Variants in RBFOX1 observed in about 807,000 individuals in gnomAD.
RBFOX1 encodes RNA binding fox-1 homolog 1, also known as RNA binding protein fox-1 homolog 1.
A neutral mutation model predicts 57.7 loss-of-function variants in RBFOX1; 8 were observed. That is an observed-to-expected ratio of 0.14 (90% CI 0.08 to 0.25). RBFOX1 has a LOEUF of 0.25. Among genes scored for constraint, RBFOX1 ranks in the 10% least tolerant of loss-of-function variants. The probability of loss-of-function intolerance (pLI) is 1.00; values close to 1 mark genes in which losing one functional copy is unlikely to be tolerated. For synonymous variants in RBFOX1, 326 were observed against 222.4 expected, an observed-to-expected ratio of 1.47 and a Z score of -4.15; for missense variants, 611 against 548.5, an observed-to-expected ratio of 1.11 and a Z score of -1.14.
chr16:6,851,911 A>G (rs1052002862), intron 3 of RBFOX1, among the ~76,000 whole-genome samples: 1 of 144,922 alleles, frequency 6.9e-6, no homozygotes, highest in African/African-American at 2.5e-5. Context: ...AGTACGGTGT[A>G]TTAGTTTCCA....
intron 1 of RBFOX1, among the ~76,000 whole-genome samples, chr16:5,259,403 G>A (rs1351812505): frequency 2.0e-5 from 3 of 152,208 alleles, no homozygotes; most frequent in East Asian, 3.9e-4. Context: ...CTGGGAGCTG[G>A]GTTGGGAACT....
At chr16:7,189,320 G>C (rs533923983) in intron 4 of RBFOX1, among the ~76,000 whole-genome samples, 1 of 151,382 alleles carries the variant, frequency 6.6e-6, no homozygotes, top group African/African-American at 2.4e-5. Flanking sequence ...CAGCTACTCA[G>C]GAGGCTGAGG....
intron 4 of RBFOX1, among the ~76,000 whole-genome samples, chr16:7,377,214 G>C (rs1340777325): frequency 6.6e-6 from 1 of 152,086 alleles, no homozygotes; most frequent in Non-Finnish European, 1.5e-5. Flanking sequence ...TCCATTCATG[G>C]AGATTTGCTT....
chr16:6,515,224 T>G (rs2096351020), intron 2 of RBFOX1, among the ~76,000 whole-genome samples: 1 of 152,228 alleles, frequency 6.6e-6, no homozygotes, highest in South Asian at 2.1e-4. Flanking sequence ...TATTTGCACT[T>G]TCTAGATAAG....
At position 7,054,545 on chromosome 16, in the gene RBFOX1, T is replaced by TGGCGGGG. The variant is rs1555823213; in HGVS notation, c.27+2449_27+2450insCGGGGGG. On this transcript the variant is annotated intron_variant, in intron 4 of 15. Coordinates refer to ENST00000550418, the MANE Select transcript of RBFOX1 (RefSeq NM_018723.4). Reference sequence around the variant, plus strand: ...TGTGAGCCACTGCGCCAAACCTGGGTGGGGGGGCATTTTTTAAGGGTTTCT... The same window carrying TGGCGGGG: ...TGTGAGCCACTGCGCCAAACCTGGGTGGCGGGGGGGGGGGCATTTTTTAAGGGTTTCT... Among the ~76,000 whole-genome samples, 7 of 108,470 alleles carry TGGCGGGG rather than the reference T, an allele frequency of 6.5e-5. 1 individual carries two copies. In the South Asian group the frequency reaches 2.2e-3, roughly 34 times the overall value. The allele number at this position is 108,470 out of a possible 152,430, so 71.2% of individuals were successfully genotyped here. A position where few individuals can be genotyped will look rare whatever the true frequency, so the allele number is the denominator to read the frequency against.
intron 3 of RBFOX1, among the ~76,000 whole-genome samples, chr16:6,697,786 C>G (rs142156504): frequency 1.9e-3 from 288 of 152,246 alleles, no homozygotes; most frequent in African/African-American, 6.6e-3. Flanking sequence ...AACAGAAGAC[C>G]CAACCTTGGT....
chr16:6,739,248 AAAG>A (rs1238730575), intron 3 of RBFOX1, among the ~76,000 whole-genome samples: 24 of 152,130 alleles, frequency 1.6e-4, no homozygotes, highest in Non-Finnish European at 3.2e-4. Context: ...AGAAAAAAAA[AAAG>A]AAGGGAATAA....
At position 7,219,801 on chromosome 16, in the gene RBFOX1, G is replaced by A. The variant is rs79884524; in HGVS notation, c.27+167703G>A. 3.1e-4 allele frequency among the ~76,000 whole-genome samples: 47 copies of A among 152,288 alleles called. No homozygotes were observed. The East Asian group carries it at 8.1e-3, about 26-fold the overall frequency. On this transcript the variant is annotated intron_variant, in intron 4 of 15. Coordinates refer to ENST00000550418, the MANE Select transcript of RBFOX1 (RefSeq NM_018723.4). ...AATTTAATTTTTGTTCTCTATGTTT[G>A]TGATATGAAAGCATGACCTTCCACC...
intron 1 of RBFOX1, among the ~76,000 whole-genome samples, chr16:5,310,232 T>C (rs1184694812): frequency 6.6e-6 from 1 of 152,052 alleles, no homozygotes; most frequent in Non-Finnish European, 1.5e-5. Flanking sequence ...GGAAACCCTG[T>C]CTCTACAAAA....
At chr16:5,279,079 G>A (rs189412332) in intron 1 of RBFOX1, among the ~76,000 whole-genome samples, 131 of 152,142 alleles carry the variant, frequency 8.6e-4, no homozygotes, top group African/African-American at 2.6e-3. Flanking sequence ...GGGGTGTTCT[G>A]TGGTTCCATG....
chr16:6,314,993 A>G (rs567906415), intron 1 of RBFOX1, among the ~76,000 whole-genome samples: 5 of 152,312 alleles, frequency 3.3e-5, no homozygotes, highest in Admixed American at 2.0e-4. Flanking sequence ...AGATCTGTCT[A>G]TCTTCCCCAC....
intron 2 of RBFOX1, among the ~76,000 whole-genome samples, chr16:6,633,126 A>G (rs1253243139): frequency 6.6e-6 from 1 of 152,228 alleles, no homozygotes; most frequent in East Asian, 1.9e-4. Flanking sequence ...CCCACTTCAC[A>G]GATGCAGCTG....
intron 4 of RBFOX1, among the ~76,000 whole-genome samples, chr16:7,336,490 A>G (rs1232048096): frequency 6.6e-6 from 1 of 152,244 alleles, no homozygotes; most frequent in Non-Finnish European, 1.5e-5. Context: ...TCACCTCATC[A>G]TGCATTTGTT....
At chr16:6,087,030 T>C (rs1381733076) in intron 1 of RBFOX1, among the ~76,000 whole-genome samples, 3 of 151,934 alleles carry the variant, frequency 2.0e-5, no homozygotes, top group Admixed American at 2.0e-4. Flanking sequence ...ATACATTGAG[T>C]GGTGATGTGG....
At chr16:5,383,292 G>A (rs951506435) in intron 1 of RBFOX1, among the ~76,000 whole-genome samples, 3 of 152,156 alleles carry the variant, frequency 2.0e-5, no homozygotes, top group African/African-American at 4.8e-5. Context: ...GGGAAAAGGT[G>A]GGCTGTGGGT....
chr16:7,561,977 G>T (rs780482507), intron 5 of RBFOX1, among the ~76,000 whole-genome samples: 1 of 151,994 alleles, frequency 6.6e-6, no homozygotes, highest in Non-Finnish European at 1.5e-5. Context: ...TTCTGAGTGG[G>T]ACAGGTAATT....
At chr16:5,439,421 A>G (rs574080398) in intron 1 of RBFOX1, among the ~76,000 whole-genome samples, 11 of 152,044 alleles carry the variant, frequency 7.2e-5, no homozygotes, top group Non-Finnish European at 1.2e-4. Flanking sequence ...CATCATGGGG[A>G]ATGAAAAGTA....
chr16:6,965,755 C>G (rs545722635), intron 3 of RBFOX1, among the ~76,000 whole-genome samples: 2 of 152,232 alleles, frequency 1.3e-5, no homozygotes, highest in East Asian at 1.9e-4. Context: ...GTTTATTATC[C>G]TGGGGTGCTT....
chr16:7,542,983 G>C (rs890311653), intron 5 of RBFOX1, among the ~76,000 whole-genome samples: 1 of 152,162 alleles, frequency 6.6e-6, no homozygotes, highest in Admixed American at 6.5e-5. Context: ...TGACATTTGA[G>C]GCTGTGTGGC....
Sources: allele counts gnomAD v4.1 joint callset (sites outside exome capture counted in the v4.1 genomes callset), GRCh38; gene constraint gnomAD v4.1.1; transcripts MANE v1.5; gene names NCBI Gene and HGNC (gene_info 2026-07-23, HGNC 2026-07-21).